Variants in LINGO2 observed in about 807,000 individuals in gnomAD.
LINGO2 encodes the protein leucine rich repeat and Ig domain containing 2.
Under a neutral mutation model 30.6 loss-of-function variants are expected in LINGO2, and 14 were observed. The observed-to-expected ratio is 0.46, with a 90% CI of 0.30 to 0.72. The LOEUF (loss-of-function observed/expected upper bound fraction) is 0.72, where lower values mean the gene tolerates loss of function less well. LINGO2 is among the 30% of genes least tolerant of loss of function. The pLI is 0.07. For synonymous variants in LINGO2, 317 were observed against 288.5 expected (o/e 1.10, Z -1.00); for missense variants, 729 against 751.7 (o/e 0.97, Z 0.35).
At chr9:28,486,418 A>G (rs1826164998) in intron 1 of LINGO2, among the ~76,000 whole-genome samples, 1 of 152,142 alleles carries the variant, frequency 6.6e-6, no homozygotes, top group South Asian at 2.1e-4. Flanking sequence ...GACAAAAACT[A>G]GGGTTCCTTT....
At chr9:29,177,252 CA>C in the LINGO2 span, among the ~76,000 whole-genome samples, 9 of 152,078 alleles carry the variant, frequency 5.9e-5, no homozygotes, top group Admixed American at 5.2e-4. Context: ...TTCTAGATTA[CA>C]AAAAATTTTT....
At chr9:28,069,449 C>T (rs1825409030) in intron 4 of LINGO2, among the ~76,000 whole-genome samples, 1 of 152,054 alleles carries the variant, frequency 6.6e-6, no homozygotes, top group South Asian at 2.1e-4. Context: ...ATGTTCATAA[C>T]CTAAAGCCAA....
intron 1 of LINGO2, among the ~76,000 whole-genome samples, chr9:28,634,990 GGCTGTAA>G (rs1218921530): frequency 6.6e-6 from 1 of 152,164 alleles, no homozygotes; most frequent in African/African-American, 2.4e-5. Flanking sequence ...TACCATGTGT[GGCTGTAA>G]GCCTGGAGGT....
At chr9:28,588,083 G>A (rs73644081) in intron 1 of LINGO2, among the ~76,000 whole-genome samples, 4,702 of 151,926 alleles carry the variant, frequency 0.031, 145 homozygotes, top group African/African-American at 0.083. Flanking sequence ...ATACAAATCC[G>A]GAGGAAAGAA....
chr9:28,395,557 G>A (rs1413483880), intron 2 of LINGO2, among the ~76,000 whole-genome samples: 1 of 151,868 alleles, frequency 6.6e-6, no homozygotes, highest in East Asian at 1.9e-4. Context: ...TGTCCTTGCT[G>A]CTTAAAGTGG....
chr9:28,548,621 T>C (rs760640357), intron 1 of LINGO2, among the ~76,000 whole-genome samples: 16 of 143,092 alleles, frequency 1.1e-4, no homozygotes, highest in Admixed American at 5.1e-4. Flanking sequence ...GGAAAATCAC[T>C]TGAATCCAGG....
intron 1 of LINGO2, among the ~76,000 whole-genome samples, chr9:28,668,961 T>C (rs1212293024): frequency 6.6e-6 from 1 of 152,118 alleles, no homozygotes; most frequent in African/African-American, 2.4e-5. Context: ...ACCATATGCC[T>C]CATGGTGCAA....
intron 4 of LINGO2, among the ~76,000 whole-genome samples, chr9:28,044,044 T>C (rs1042547067): frequency 6.6e-6 from 1 of 152,208 alleles, no homozygotes; most frequent in African/African-American, 2.4e-5. Context: ...GCCTTTGTAC[T>C]AGCAGTTTTA....
chr9:28,835,941 T>C, the LINGO2 span, among the ~76,000 whole-genome samples: 2 of 152,188 alleles, frequency 1.3e-5, no homozygotes, highest in African/African-American at 2.4e-5. Context: ...ATTTCTTTGA[T>C]GGCAGGAACC....
intron 1 of LINGO2, among the ~76,000 whole-genome samples, chr9:28,596,122 G>A (rs1272222089): frequency 6.6e-6 from 1 of 152,126 alleles, no homozygotes; most frequent in East Asian, 1.9e-4. Flanking sequence ...ATACTTGAGA[G>A]GGAAGGATAT....
chr9:28,940,717 G>T, the LINGO2 span, among the ~76,000 whole-genome samples: 1 of 152,088 alleles, frequency 6.6e-6, no homozygotes, highest in Non-Finnish European at 1.5e-5. Context: ...TCCAACTAGT[G>T]ACTCCCATAA....
At chr9:28,347,047 T>C (rs1423253682) in intron 3 of LINGO2, among the ~76,000 whole-genome samples, 1 of 152,186 alleles carries the variant, frequency 6.6e-6, no homozygotes, top group East Asian at 1.9e-4. Flanking sequence ...ATCCCATTTG[T>C]CAATTTTTGA....
chr9:28,523,804 A>C (rs1002250672), intron 1 of LINGO2, among the ~76,000 whole-genome samples: 2 of 152,144 alleles, frequency 1.3e-5, no homozygotes, highest in African/African-American at 4.8e-5. Context: ...AGACATTTCT[A>C]TGGATTGGAT....
At chr9:28,079,116 A>G (rs1241336528) in intron 4 of LINGO2, among the ~76,000 whole-genome samples, 1 of 136,710 alleles carries the variant, frequency 7.3e-6, no homozygotes, top group Non-Finnish European at 1.5e-5. Context: ...TTTGCAGGTG[A>G]CAAGAAACTT....
the LINGO2 span, among the ~76,000 whole-genome samples, chr9:28,738,615 C>T: frequency 6.6e-6 from 1 of 151,990 alleles, no homozygotes; most frequent in Non-Finnish European, 1.5e-5. Context: ...GTACTCACTA[C>T]ATAGCAATCT....
At chr9:28,343,724 T>G (rs1051618518) in intron 3 of LINGO2, among the ~76,000 whole-genome samples, 4 of 152,094 alleles carry the variant, frequency 2.6e-5, no homozygotes, top group Admixed American at 2.0e-4. Flanking sequence ...GTCAAAAATG[T>G]AGGGAAAAAA....
the LINGO2 span, among the ~76,000 whole-genome samples, chr9:28,915,720 T>C: frequency 6.6e-6 from 1 of 152,174 alleles, no homozygotes; most frequent in Non-Finnish European, 1.5e-5. Flanking sequence ...GTTCACTAAA[T>C]AAATTCTAAC....
At chr9:28,537,020 TA>T (rs969300290) in intron 1 of LINGO2, among the ~76,000 whole-genome samples, 34 of 151,270 alleles carry the variant, frequency 2.2e-4, no homozygotes, top group East Asian at 1.9e-4. Flanking sequence ...TGTCCTTATT[TA>T]AAAAAAAATA....
the LINGO2 span, among the ~76,000 whole-genome samples, chr9:29,035,275 A>G: frequency 6.6e-6 from 1 of 151,994 alleles, no homozygotes; most frequent in Non-Finnish European, 1.5e-5. Context: ...GGTCACATAG[A>G]TTGTGGTCAT....
Sources: gnomAD v4.1 joint callset for allele counts (sites outside exome capture counted in the v4.1 genomes callset) on GRCh38, gnomAD v4.1.1 for gene constraint, MANE v1.5 for transcripts, NCBI Gene and HGNC (gene_info 2026-07-23, HGNC 2026-07-21) for gene names.